The following TBCE variants were observed in gnomAD, a reference collection of about 807,000 sequenced individuals.
The protein encoded by TBCE is tubulin folding cofactor E, also known as tubulin-specific chaperone E.
A neutral mutation model predicts 77.0 loss-of-function variants in TBCE; 53 were observed. That is an observed-to-expected ratio of 0.69 (90% CI 0.55 to 0.87). The LOEUF (loss-of-function observed/expected upper bound fraction) is 0.87. Ranked by LOEUF, TBCE falls within the 40% of genes least tolerant of loss-of-function variation. The pLI, the probability that TBCE is intolerant of heterozygous loss-of-function variation, is 0.00. For missense variants in TBCE, 624 were observed against 622.4 expected (o/e 1.00, Z -0.03); for synonymous variants, 235 against 241.3 (o/e 0.97, Z 0.24).
In TBCE at chr1:235,442,146, C is replaced by T. The variant is rs4659878; in HGVS notation, c.1339+264C>T. ...GCCTCAGCCTCTGGAGTAGCTGGGA[C>T]TACAGGCATACACAACCATGCCCGG... On this transcript the variant is annotated intron_variant, in intron 14 of 16. Coordinates refer to ENST00000642610, the MANE Select transcript of TBCE (RefSeq NM_003193.5). 0.5 allele frequency among the ~76,000 whole-genome samples: 75,134 copies of T among 151,384 alleles called. 19,109 individuals are homozygous for T. The highest frequency in any genetic ancestry group is 0.65 in the East Asian group (3,343 of 5,124).
chr1:235,390,925 T>C (rs899339127), intron 2 of TBCE, among the ~76,000 whole-genome samples: 10 of 152,082 alleles, frequency 6.6e-5, no homozygotes, highest in African/African-American at 2.4e-4. Context: ...TTTCCTCATA[T>C]GATAAGGAAG....
intron 1 of TBCE, among the ~76,000 whole-genome samples, chr1:235,372,245 A>G (rs1677015637): frequency 6.6e-6 from 1 of 151,394 alleles, no homozygotes; most frequent in South Asian, 2.1e-4. Context: ...TTTAGTTGCA[A>G]CGGGATTTCA....
At chr1:235,391,729 C>A (rs1054478278) in intron 2 of TBCE, among the ~76,000 whole-genome samples, 16 of 149,662 alleles carry the variant, frequency 1.1e-4, no homozygotes, top group African/African-American at 3.9e-4. Flanking sequence ...CCCTCAGCCT[C>A]CCAAGTAGCT....
At position 235,450,199 on chromosome 1, in the gene TBCE, G is replaced by A. The variant is rs749364216; in HGVS notation, c.*1437G>A. 6.5e-5 allele frequency: 105 copies of A among 1,613,920 alleles called. No homozygotes were observed. In the Middle Eastern group the frequency reaches 1.2e-3, roughly 18 times the overall value. On this transcript the variant is annotated 3_prime_UTR_variant, in exon 17 of 17. Coordinates refer to ENST00000642610, the MANE Select transcript of TBCE (RefSeq NM_003193.5). The stretch of plus-strand genomic sequence containing the variant: ...CTGATTTTAGACTCTGCTAATTCAA[G>A]TCCCTGTTATCTTGCTTGACATCGA...
chr1:235,441,697 T>G, intron 13 of TBCE, 117 bp from the exon 14 acceptor site: 1 of 899,926 alleles, frequency 1.1e-6, no homozygotes, highest in Non-Finnish European at 1.8e-6. Flanking sequence ...GCTCCATGTG[T>G]CCTGGGAAAG....
intron 3 of TBCE, among the ~76,000 whole-genome samples, chr1:235,404,514 G>C (rs1679304949): frequency 6.6e-6 from 1 of 152,118 alleles, no homozygotes; most frequent in African/African-American, 2.4e-5. Context: ...GTAAGTGAGT[G>C]AGTGGTGAGT....
intron 14 of TBCE, 46 bp from the exon 15 acceptor site, chr1:235,442,806 T>C: frequency 6.4e-7 from 1 of 1,570,226 alleles, no homozygotes. Flanking sequence ...TTTAAATCCA[T>C]ATAATAGTAG....
intron 2 of TBCE, among the ~76,000 whole-genome samples, chr1:235,388,283 CTTTT>C (rs908940784): frequency 8.5e-6 from 1 of 117,332 alleles, no homozygotes; most frequent in Non-Finnish European, 1.8e-5. Flanking sequence ...TCTGTTACTT[CTTTT>C]TTTTTTTTTT....
At chr1:235,437,798 C>A (rs2102926910) in intron 12 of TBCE, among the ~76,000 whole-genome samples, 2 of 143,076 alleles carry the variant, frequency 1.4e-5, no homozygotes, top group South Asian at 4.4e-4. Flanking sequence ...CCAGCCTGGG[C>A]AATGGAGTGA....
At chr1:235,428,326 A>AAAAC (rs913687287) in intron 6 of TBCE, among the ~76,000 whole-genome samples, 4 of 152,108 alleles carry the variant, frequency 2.6e-5, no homozygotes, top group East Asian at 1.9e-4. Context: ...TCCATCTCAG[A>AAAAC]AAACAAACAA....
chr1:235,414,052 C>T (rs756775674), intron 3 of TBCE: 29 of 280,448 alleles, frequency 1.0e-4, no homozygotes, highest in Non-Finnish European at 1.7e-4. Context: ...ATGGGGGTTT[C>T]GCCATGTTGG....
At chr1:235,387,594 C>A (rs540626242) in intron 2 of TBCE, among the ~76,000 whole-genome samples, 1 of 152,252 alleles carries the variant, frequency 6.6e-6, no homozygotes, top group South Asian at 2.1e-4. Context: ...GGTGTAGGAC[C>A]CTCCGAGCCA....
intron 2 of TBCE, among the ~76,000 whole-genome samples, chr1:235,396,951 A>ATTGTTTGT (rs1052914645): frequency 1.2e-4 from 16 of 128,304 alleles, no homozygotes; most frequent in African/African-American, 5.3e-4. Flanking sequence ...CACTTTGTTG[A>ATTGTTTGT]TTGTTTATTT....
At chr1:235,395,382 A>C (rs1252804395) in intron 2 of TBCE, among the ~76,000 whole-genome samples, 1 of 152,066 alleles carries the variant, frequency 6.6e-6, no homozygotes, top group Non-Finnish European at 1.5e-5. Context: ...TTTTAGTTAT[A>C]TAAAGATGCA....
Position 235,450,474 on chromosome 1 carries a change from C to G in TBCE, c.*1712C>G, listed in dbSNP as rs545904445. ...TTCAAGGATAACTCCGTGTGTGGAA[C>G]AACTGGTGAGGTTTGGGGGTGGCAC... On this transcript the variant is annotated 3_prime_UTR_variant, in exon 17 of 17. Coordinates refer to ENST00000642610, the MANE Select transcript of TBCE (RefSeq NM_003193.5). The G allele has an allele frequency of 1.3e-4, 152 of 1,164,586 alleles. No individual in the cohort carries two copies. The highest frequency in any genetic ancestry group is 1.8e-4 in the Non-Finnish European group (147 of 829,724). The allele number at this position is 1,164,586 out of a possible 1,614,324, so 72.1% of individuals were successfully genotyped here.
intron 12 of TBCE, among the ~76,000 whole-genome samples, chr1:235,438,212 G>A (rs1287268075): frequency 1.3e-5 from 2 of 152,214 alleles, no homozygotes; most frequent in African/African-American, 4.8e-5. Flanking sequence ...CAGGGTACCT[G>A]GTGTAGTCCT....
At chr1:235,391,223 C>T (rs1480164551) in intron 2 of TBCE, among the ~76,000 whole-genome samples, 1 of 152,030 alleles carries the variant, frequency 6.6e-6, no homozygotes, top group Non-Finnish European at 1.5e-5. Context: ...GGCGTGGTGG[C>T]TCACGCCTGT....
intron 1 of TBCE, among the ~76,000 whole-genome samples, chr1:235,371,049 T>TTTTTTG (rs1676916349): frequency 8.9e-6 from 1 of 112,296 alleles, no homozygotes; most frequent in Non-Finnish European, 1.8e-5. Flanking sequence ...TTTTTTTTTT[T>TTTTTTG]TTTTTTTTTT....
intron 2 of TBCE, among the ~76,000 whole-genome samples, chr1:235,381,685 CAAAAAAAAAAA>C (rs574997840): frequency 9.3e-5 from 4 of 43,192 alleles, no homozygotes; most frequent in Admixed American, 3.8e-4. Flanking sequence ...ACTCCTTCTC[CAAAAAAAAAAA>C]AAAAAAAAAA....
Sources: allele counts gnomAD v4.1 joint callset (sites outside exome capture counted in the v4.1 genomes callset), GRCh38; gene constraint gnomAD v4.1.1; transcripts MANE v1.5; gene names NCBI Gene and HGNC (gene_info 2026-07-23, HGNC 2026-07-21).